DIP2B: variants seen among roughly 807,000 people sequenced by gnomAD.
The protein encoded by DIP2B is DIP2 acetate--CoA ligase B (putative).
In DIP2B, 76 loss-of-function variants were observed where a neutral mutation model predicts 198.0. The ratio of observed to expected loss-of-function variants is 0.38; its 90% CI spans 0.32 to 0.46. The LOEUF is 0.46. Ranked by LOEUF, DIP2B falls within the 20% of genes least tolerant of loss-of-function variation. The pLI is 0.99. For missense variants in DIP2B, 1,559 were observed against 1,978.4 expected (o/e 0.79, Z 4.02); for synonymous variants, 701 against 739.1 (o/e 0.95, Z 0.84).
chr12:50,545,200 A>G (rs1016839932), intron 1 of DIP2B, among the ~76,000 whole-genome samples: 11 of 152,190 alleles, frequency 7.2e-5, no homozygotes, highest in Non-Finnish European at 4.4e-5. Context: ...GTTCAGCTTC[A>G]GTGGTATTAC....
At chr12:50,708,227 T>C (rs1939550036) in intron 21 of DIP2B, among the ~76,000 whole-genome samples, 1 of 152,236 alleles carries the variant, frequency 6.6e-6, no homozygotes, top group Admixed American at 6.5e-5. Flanking sequence ...CTTTGTCTTA[T>C]TTACCACTAT....
intron 7 of DIP2B, 71 bp downstream of exon 7, chr12:50,675,519 T>G: frequency 7.0e-7 from 1 of 1,427,254 alleles, no homozygotes; most frequent in Non-Finnish European, 9.5e-7. Context: ...ATGTGTTAGG[T>G]ACTGTAGGGT....
At chr12:50,682,628 C>CAAAAAAAAAAA (rs58672851) in intron 9 of DIP2B, among the ~76,000 whole-genome samples, 1 of 42,132 alleles carries the variant, frequency 2.4e-5, no homozygotes, top group African/African-American at 9.6e-5. Context: ...GACTCTGTCT[C>CAAAAAAAAAAA]AAAAAAAAAA....
chr12:50,680,890 A>G, intron 9 of DIP2B, 127 bp downstream of exon 9: 1 of 954,806 alleles, frequency 1.0e-6, no homozygotes, highest in South Asian at 1.6e-5. Flanking sequence ...TGGAAAAATA[A>G]AAATGGTTTG....
At chr12:50,650,474 C>G (rs1417146954) in intron 3 of DIP2B, among the ~76,000 whole-genome samples, 2 of 152,098 alleles carry the variant, frequency 1.3e-5, no homozygotes, top group Admixed American at 6.6e-5. Flanking sequence ...CAACTCATTT[C>G]CCCCTCCTCT....
intron 1 of DIP2B, among the ~76,000 whole-genome samples, chr12:50,606,700 C>T (rs1420253891): frequency 1.3e-5 from 2 of 151,942 alleles, no homozygotes; most frequent in Non-Finnish European, 2.9e-5. Context: ...TTGATGGTCT[C>T]GCCCAGGCTG....
intron 4 of DIP2B, among the ~76,000 whole-genome samples, chr12:50,663,426 A>C (rs1258131227): frequency 6.6e-6 from 1 of 151,344 alleles, no homozygotes; most frequent in African/African-American, 2.4e-5. Context: ...GCGTGGTGGC[A>C]GCGCCTGTAG....
intron 4 of DIP2B, among the ~76,000 whole-genome samples, chr12:50,665,462 C>T (rs996630457): frequency 1.3e-5 from 2 of 152,102 alleles, no homozygotes; most frequent in African/African-American, 4.8e-5. Flanking sequence ...ATTCTATTTA[C>T]TTTATAGCCG....
At chr12:50,527,751 A>G (rs1958179984) in intron 1 of DIP2B, among the ~76,000 whole-genome samples, 1 of 152,248 alleles carries the variant, frequency 6.6e-6, no homozygotes, top group Admixed American at 6.5e-5. Flanking sequence ...TGGAAGAAAC[A>G]TGATTAAAAT....
At chr12:50,557,190 A>C (rs1958479196) in intron 1 of DIP2B, among the ~76,000 whole-genome samples, 1 of 152,330 alleles carries the variant, frequency 6.6e-6, no homozygotes, top group South Asian at 2.1e-4. Context: ...TTTATCTATA[A>C]AATGGAGATA....
At position 50,704,178 on chromosome 12, in the gene DIP2B, T is replaced by C; in HGVS notation, c.2364T>C (p.Asp788=). Residue 788 remains aspartate, a synonymous_variant, in exon 20 of 38, where the codon GAT becomes GAC. Coordinates refer to ENST00000301180, the MANE Select transcript of DIP2B (RefSeq NM_173602.3). ...ATTCTGCAGGCTCTCCTGTTGGGGA[T>C]GTGCCATTCATCCGATCAGGATTGC... is the stretch of plus-strand genomic sequence containing the variant. The part of the protein sequence containing the change: ...PVNSAGSPVG[D]VPFIRSGLLG... 1.2e-6 allele frequency: 2 copies of C among 1,611,638 alleles called. No individual in the cohort carries two copies. Among genetic ancestry groups the C allele is most frequent in the South Asian group, 2.2e-5 (2 of 90,416 alleles).
intron 1 of DIP2B, among the ~76,000 whole-genome samples, chr12:50,549,128 C>T (rs1958402709): frequency 6.7e-6 from 1 of 149,964 alleles, no homozygotes; most frequent in Non-Finnish European, 1.5e-5. Context: ...AATTGGAATT[C>T]TTCTATTGAG....
chr12:50,634,211 CTCTT>C (rs1938116622), intron 2 of DIP2B, among the ~76,000 whole-genome samples: 2 of 152,154 alleles, frequency 1.3e-5, no homozygotes, highest in Admixed American at 6.6e-5. Context: ...AGGAAATTGA[CTCTT>C]TCTTTTGGCG....
At chr12:50,695,806 A>T (rs1939300692) in intron 15 of DIP2B, 42 bp from the exon 16 acceptor site, 5 of 1,609,736 alleles carry the variant, frequency 3.1e-6, no homozygotes, top group Non-Finnish European at 4.2e-6. Context: ...ATATGTCCCA[A>T]ATTTATTGTG....
At chr12:50,681,975 G>A (rs1264495686) in intron 9 of DIP2B, among the ~76,000 whole-genome samples, 1 of 152,164 alleles carries the variant, frequency 6.6e-6, no homozygotes, top group Non-Finnish European at 1.5e-5. Context: ...TCTTGGGAGT[G>A]AGTTAACAGA....
intron 1 of DIP2B, among the ~76,000 whole-genome samples, chr12:50,539,202 G>A (rs1429851312): frequency 1.3e-5 from 2 of 149,844 alleles, no homozygotes; most frequent in African/African-American, 4.9e-5. Context: ...CTTTCATCCC[G>A]TTTGGCTCTA....
intron 35 of DIP2B, among the ~76,000 whole-genome samples, chr12:50,737,395 G>T (rs1438491821): frequency 6.6e-6 from 1 of 152,054 alleles, no homozygotes; most frequent in Non-Finnish European, 1.5e-5. Context: ...ACCTATTAAG[G>T]TATGAAACTG....
intron 35 of DIP2B, among the ~76,000 whole-genome samples, chr12:50,737,975 C>G (rs1278104503): frequency 6.6e-6 from 1 of 152,144 alleles, no homozygotes; most frequent in Non-Finnish European, 1.5e-5. Context: ...GACCTCGGCT[C>G]TGCCACTTAC....
chr12:50,517,956 T>C (rs1165663047), intron 1 of DIP2B, among the ~76,000 whole-genome samples: 1 of 152,206 alleles, frequency 6.6e-6, no homozygotes, highest in African/African-American at 2.4e-5. Flanking sequence ...CATCAGTTAT[T>C]GAGAGCTTAT....
Sources: gnomAD v4.1 joint callset for allele counts (sites outside exome capture counted in the v4.1 genomes callset) on GRCh38, gnomAD v4.1.1 for gene constraint, MANE v1.5 for transcripts, NCBI Gene and HGNC (gene_info 2026-07-23, HGNC 2026-07-21) for gene names.